Variants in DLG2 observed in about 807,000 individuals in gnomAD.
DLG2 encodes the protein disks large homolog 2.
A neutral mutation model predicts 132.5 loss-of-function variants in DLG2; 45 were observed. That is an observed-to-expected ratio of 0.34 (90% CI 0.27 to 0.44). The LOEUF is 0.44. Ranked by LOEUF, DLG2 falls within the 20% of genes least tolerant of loss-of-function variation. DLG2 has a pLI of 1.00. For missense variants in DLG2, 1,045 were observed against 1,196.9 expected (o/e 0.87, Z 1.87); for synonymous variants, 424 against 419.6 (o/e 1.01, Z -0.13).
chr11:84,784,241 T>A (rs1467858857), intron 6 of DLG2, among the ~76,000 whole-genome samples: 2 of 141,870 alleles, frequency 1.4e-5, no homozygotes, highest in African/African-American at 5.3e-5. Context: ...AATTGCTTGA[T>A]CCCGGGTGGT....
At chr11:85,009,412 T>C (rs2058963530) in intron 6 of DLG2, among the ~76,000 whole-genome samples, 1 of 152,086 alleles carries the variant, frequency 6.6e-6, no homozygotes, top group South Asian at 2.1e-4. Context: ...AGAACCTTTG[T>C]ACAGAAACAA....
intron 3 of DLG2, among the ~76,000 whole-genome samples, chr11:85,586,404 G>T (rs2078975099): frequency 6.6e-6 from 1 of 152,080 alleles, no homozygotes; most frequent in African/African-American, 2.4e-5. Flanking sequence ...GGTCTGTTCA[G>T]AGTTTCTATT....
chr11:84,098,648 C>G (rs909138089), intron 10 of DLG2, among the ~76,000 whole-genome samples: 2 of 152,144 alleles, frequency 1.3e-5, no homozygotes, highest in Admixed American at 1.3e-4. Context: ...TCCAACTAGA[C>G]TGAAGGCCTC....
intron 6 of DLG2, among the ~76,000 whole-genome samples, chr11:84,900,351 A>T (rs2090731782): frequency 6.6e-6 from 1 of 152,084 alleles, no homozygotes; most frequent in Non-Finnish European, 1.5e-5. Context: ...CATTAATTGA[A>T]CCCACAAATA....
At chr11:83,686,255 C>T (rs1275027962) in intron 18 of DLG2, among the ~76,000 whole-genome samples, 1 of 152,134 alleles carries the variant, frequency 6.6e-6, no homozygotes, top group African/African-American at 2.4e-5. Flanking sequence ...ATTCCATCTG[C>T]TCAAGTGTCT....
At chr11:84,650,150 C>T (rs961551936) in intron 6 of DLG2, among the ~76,000 whole-genome samples, 1 of 152,154 alleles carries the variant, frequency 6.6e-6, no homozygotes, top group African/African-American at 2.4e-5. Flanking sequence ...AAATATACCT[C>T]TTTCCTCTAT....
intron 10 of DLG2, among the ~76,000 whole-genome samples, chr11:84,063,694 C>T (rs1177284839): frequency 6.6e-6 from 1 of 152,052 alleles, no homozygotes; most frequent in African/African-American, 2.4e-5. Context: ...TTCACAATAG[C>T]AAAGACTTGG....
chr11:85,477,380 G>A (rs2093173333), intron 3 of DLG2, among the ~76,000 whole-genome samples: 1 of 152,196 alleles, frequency 6.6e-6, no homozygotes, highest in Non-Finnish European at 1.5e-5. Flanking sequence ...TGACTTGAAG[G>A]TAGAGAAGGA....
intron 3 of DLG2, among the ~76,000 whole-genome samples, chr11:85,454,246 A>G (rs977537454): frequency 1.6e-4 from 25 of 151,802 alleles, no homozygotes; most frequent in Non-Finnish European, 3.4e-4. Context: ...TCTGACTGGT[A>G]TGAGATGGTA....
intron 6 of DLG2, among the ~76,000 whole-genome samples, chr11:84,780,218 A>G (rs1218239061): frequency 3.3e-5 from 5 of 152,122 alleles, no homozygotes; most frequent in Non-Finnish European, 7.4e-5. Context: ...AGGGATGCAA[A>G]GATGGCTCAA....
chr11:83,487,527 A>G (rs2031855547), intron 21 of DLG2, among the ~76,000 whole-genome samples: 1 of 152,068 alleles, frequency 6.6e-6, no homozygotes, highest in Admixed American at 6.6e-5. Flanking sequence ...TTGAATTTGC[A>G]AATATTCCTG....
At chr11:84,872,334 A>G (rs1229111917) in intron 6 of DLG2, among the ~76,000 whole-genome samples, 1 of 152,224 alleles carries the variant, frequency 6.6e-6, no homozygotes, top group African/African-American at 2.4e-5. Context: ...ACAGGCTTGC[A>G]AAGGGATTCA....
At chr11:83,906,079 CTCTATA>C (rs1413090601) in intron 15 of DLG2, among the ~76,000 whole-genome samples, 232 of 94,204 alleles carry the variant, frequency 2.5e-3, no homozygotes, top group African/African-American at 6.0e-3. Flanking sequence ...CTCTCTCTCT[CTCTATA>C]TATATATATA....
chr11:83,458,838 C>T lies in DLG2; in HGVS notation c.*980G>A, dbSNP rs1211573064. Reference sequence around the variant, plus strand: ...TGTCTTCCAAAAATATCCATGAGGGCAACTCATTAAGGGATGTGCTGCATG... The same window carrying T: ...TGTCTTCCAAAAATATCCATGAGGGTAACTCATTAAGGGATGTGCTGCATG... On this transcript the variant is annotated 3_prime_UTR_variant, in exon 28 of 28. Coordinates refer to ENST00000376104, the MANE Select transcript of DLG2 (RefSeq NM_001142699.3). The T allele has an allele frequency of 2.0e-5, 3 of 152,144 alleles. No homozygotes were observed. Among genetic ancestry groups the T allele is most frequent in the African/African-American group, 7.2e-5 (3 of 41,440 alleles). 9.4% of individuals were successfully genotyped at this position (152,144 alleles called of 1,614,324 possible).
chr11:84,268,840 T>TA (rs1388372429), intron 7 of DLG2, among the ~76,000 whole-genome samples: 3 of 152,134 alleles, frequency 2.0e-5, no homozygotes. Context: ...ATAATACATG[T>TA]AAAATGCTTG....
At chr11:85,344,828 T>G (rs1331154470) in intron 3 of DLG2, among the ~76,000 whole-genome samples, 1 of 152,218 alleles carries the variant, frequency 6.6e-6, no homozygotes, top group East Asian at 1.9e-4. Flanking sequence ...CTGCTTACTC[T>G]TGTTTTTTTT....
At chr11:84,036,289 G>C (rs1243250226) in intron 11 of DLG2, among the ~76,000 whole-genome samples, 2 of 152,040 alleles carry the variant, frequency 1.3e-5, no homozygotes, top group Admixed American at 6.6e-5. Context: ...GATAAATCTT[G>C]GGAGCACATT....
chr11:84,852,857 C>A (rs1345929394), intron 6 of DLG2, among the ~76,000 whole-genome samples: 1 of 151,736 alleles, frequency 6.6e-6, no homozygotes, highest in Non-Finnish European at 1.5e-5. Flanking sequence ...GAGAAAATGT[C>A]TTTCCAGAAA....
intron 6 of DLG2, among the ~76,000 whole-genome samples, chr11:84,929,613 AG>A (rs1408164932): frequency 6.6e-6 from 1 of 152,116 alleles, no homozygotes; most frequent in Non-Finnish European, 1.5e-5. Flanking sequence ...CTTTTGGTAA[AG>A]TTCTGAGTAA....
Sources: gnomAD v4.1 joint callset for allele counts (sites outside exome capture counted in the v4.1 genomes callset) on GRCh38, gnomAD v4.1.1 for gene constraint, MANE v1.5 for transcripts, NCBI Gene and HGNC (gene_info 2026-07-23, HGNC 2026-07-21) for gene names.